Variants in MID1 observed in about 807,000 individuals in gnomAD.
MID1 encodes the protein midline 1.
Under a neutral mutation model 40.4 loss-of-function variants are expected in MID1, and 7 were observed. That is an observed-to-expected ratio of 0.17 (90% CI 0.10 to 0.33). The LOEUF (loss-of-function observed/expected upper bound fraction) is 0.33, where lower values mean the gene tolerates loss of function less well. Ranked by LOEUF, MID1 falls within the 10% of genes least tolerant of loss-of-function variation. The probability of loss-of-function intolerance (pLI) is 1.00; values close to 1 mark genes in which losing one functional copy is unlikely to be tolerated. For synonymous variants in MID1, 229 were observed against 221.2 expected, an observed-to-expected ratio of 1.04 and a Z score of -0.31; for missense variants, 367 against 558.5, an observed-to-expected ratio of 0.66 and a Z score of 3.46.
chrX:10,644,415 A>G (rs1469642962), intron 1 of MID1, among the ~76,000 whole-genome samples: 1 of 109,951 alleles, frequency 9.1e-6, no homozygotes, highest in Non-Finnish European at 1.9e-5. Context: ...CGTCCCTAGG[A>G]TCTTCGGCCC....
intron 1 of MID1, among the ~76,000 whole-genome samples, chrX:10,762,870 T>C (rs1011715207): frequency 1.8e-5 from 2 of 112,208 alleles, no homozygotes; most frequent in Non-Finnish European, 3.8e-5. Flanking sequence ...AGATGCTTCC[T>C]AATTTAAACC....
At chrX:10,600,693 G>C (rs1935503236) in intron 1 of MID1, among the ~76,000 whole-genome samples, 1 of 112,041 alleles carries the variant, frequency 8.9e-6, no homozygotes, top group South Asian at 3.7e-4. Context: ...CTGAACATCA[G>C]GGACTTTAAA....
chrX:10,678,719 A>G (rs747025324), intron 1 of MID1, among the ~76,000 whole-genome samples: 1 of 112,239 alleles, frequency 8.9e-6, no homozygotes, highest in East Asian at 2.8e-4. Flanking sequence ...CCAAAAGAAA[A>G]ACGGGCAAAG....
chrX:10,741,876 T>C (rs764985209), intron 1 of MID1, among the ~76,000 whole-genome samples: 2 of 111,857 alleles, frequency 1.8e-5, no homozygotes, highest in South Asian at 7.5e-4. Context: ...TCTGGAGGTA[T>C]AAGTGGCTAA....
At chrX:10,490,410 T>A (rs1323878999) in intron 4 of MID1, among the ~76,000 whole-genome samples, 1 of 112,080 alleles carries the variant, frequency 8.9e-6, no homozygotes, top group African/African-American at 3.2e-5. Flanking sequence ...GATGTTTCAG[T>A]CTTTGCTTTA....
upstream of MID1, among the ~76,000 whole-genome samples, chrX:10,624,179 T>C (rs760910461): frequency 9.8e-5 from 11 of 112,451 alleles, no homozygotes; most frequent in Middle Eastern, 4.6e-3. Flanking sequence ...GGTCACTAAC[T>C]GGCTAATAGA....
intron 1 of MID1, among the ~76,000 whole-genome samples, chrX:10,714,999 T>A (rs1313433388): frequency 8.9e-6 from 1 of 112,915 alleles, no homozygotes; most frequent in Non-Finnish European, 1.9e-5. Flanking sequence ...TGCAGTTTTT[T>A]AAAGAAATAA....
intron 1 of MID1, among the ~76,000 whole-genome samples, chrX:10,723,823 A>T (rs1410113517): frequency 8.9e-6 from 1 of 112,292 alleles, no homozygotes; most frequent in Non-Finnish European, 1.9e-5. Flanking sequence ...TACAGGCGTG[A>T]GCCACCGCGC....
upstream of MID1, among the ~76,000 whole-genome samples, chrX:10,620,932 C>T (rs1490938422): frequency 2.7e-5 from 3 of 111,954 alleles, no homozygotes; most frequent in African/African-American, 9.8e-5. Context: ...AAAAGGATAT[C>T]TTGCACTGAA....
rs1032765385 is a variant in MID1, at chrX:10,484,392, C to T, written c.865-1764G>A. ...CTTTAGATATGCCTATTAAAGACCA[C>T]ACACATTTCAAATGCGATGATGCTT... On this transcript the variant is annotated intron_variant, in intron 4 of 9. Transcript: ENST00000317552. Among the ~76,000 whole-genome samples, 4 of 112,372 alleles carry T rather than the reference C, an allele frequency of 3.6e-5. No individual in the cohort carries two copies. The South Asian group carries it at 1.5e-3, about 42-fold the overall frequency.
intron 2 of MID1, among the ~76,000 whole-genome samples, chrX:10,550,324 A>C (rs1019121779): frequency 6.2e-5 from 7 of 112,391 alleles, no homozygotes; most frequent in Non-Finnish European, 1.3e-4. Context: ...AGCAGATAAT[A>C]TCAAATACAC....
intron 2 of MID1, among the ~76,000 whole-genome samples, chrX:10,536,555 T>C (rs1438925680): frequency 8.9e-6 from 1 of 112,542 alleles, no homozygotes; most frequent in African/African-American, 3.2e-5. Flanking sequence ...GCCATTTGCT[T>C]TTAATCCAGT....
At chrX:10,821,476 A>C (rs2147159422) in intron 1 of MID1, among the ~76,000 whole-genome samples, 1 of 112,219 alleles carries the variant, frequency 8.9e-6, no homozygotes, top group South Asian at 3.7e-4. Context: ...CTACTAGGAC[A>C]CTAGTACTAA....
In MID1 at chrX:10,602,254, A is replaced by G. The variant is rs368996459; in HGVS notation, c.-57+18036T>C. 6.2e-5 allele frequency among the ~76,000 whole-genome samples: 6 copies of G among 97,027 alleles called. No homozygotes were observed. The East Asian group carries it at 1.5e-3, about 24-fold the overall frequency. 84.3% of individuals were successfully genotyped at this position (97,027 alleles called of 115,157 possible). A position where few individuals can be genotyped will look rare whatever the true frequency, so the allele number is the denominator to read the frequency against. ...TTTTTTTTTTTTTTTACCACCAATG[A>G]CCACTTTTAAAAAAATTTTTAAATG... is the stretch of plus-strand genomic sequence containing the variant. On this transcript the variant is annotated intron_variant, in intron 1 of 9. Coordinates refer to ENST00000317552, the MANE Select transcript of MID1 (RefSeq NM_000381.4).
At chrX:10,569,893 T>C (rs2147473640) in intron 1 of MID1, among the ~76,000 whole-genome samples, 1 of 111,894 alleles carries the variant, frequency 8.9e-6, no homozygotes, top group African/African-American at 3.2e-5. Flanking sequence ...TCTATTATCA[T>C]GGGCCAAGCC....
intron 3 of MID1, among the ~76,000 whole-genome samples, chrX:10,497,768 C>A (rs937976608): frequency 8.9e-6 from 1 of 111,856 alleles, no homozygotes; most frequent in Non-Finnish European, 1.9e-5. Context: ...CTAGAATAAA[C>A]CCGAAGAGCT....
At chrX:10,804,629 A>G (rs1159176503) in intron 1 of MID1, among the ~76,000 whole-genome samples, 1 of 111,360 alleles carries the variant, frequency 9.0e-6, no homozygotes, top group East Asian at 2.8e-4. Context: ...ATGTGGTTAT[A>G]GGATGTAGGG....
chrX:10,813,954 C>T (rs1206422822), intron 1 of MID1, among the ~76,000 whole-genome samples: 1 of 112,077 alleles, frequency 8.9e-6, no homozygotes, highest in Non-Finnish European at 1.9e-5. Context: ...CTCAACTCTG[C>T]TGTTGTAGCT....
chrX:10,616,126 C>T (rs1012361615), intron 1 of MID1, among the ~76,000 whole-genome samples: 8 of 111,853 alleles, frequency 7.2e-5, no homozygotes, highest in African/African-American at 2.6e-4. Context: ...AAGCCTGACC[C>T]CTGCAGGTAG....
Sources: allele counts gnomAD v4.1 joint callset (sites outside exome capture counted in the v4.1 genomes callset), GRCh38; gene constraint gnomAD v4.1.1; transcripts MANE v1.5; gene names NCBI Gene and HGNC (gene_info 2026-07-23, HGNC 2026-07-21).